Variants in MAMLD1 observed in about 807,000 individuals in gnomAD.
The protein encoded by MAMLD1 is mastermind like domain containing 1, also known as mastermind-like domain-containing protein 1.
A neutral mutation model predicts 45.0 loss-of-function variants in MAMLD1; 14 were observed. That is an observed-to-expected ratio of 0.31 (90% CI 0.21 to 0.49). The LOEUF (loss-of-function observed/expected upper bound fraction) is 0.49, where lower values mean the gene tolerates loss of function less well. MAMLD1 is among the 20% of genes least tolerant of loss of function. The pLI is 0.99. For synonymous variants in MAMLD1, 254 were observed against 247.8 expected, an observed-to-expected ratio of 1.02 and a Z score of -0.24; for missense variants, 543 against 603.6, an observed-to-expected ratio of 0.90 and a Z score of 1.05.
chrX:150,439,072 G>A (rs1557404388), intron 1 of MAMLD1, among the ~76,000 whole-genome samples: 2 of 111,750 alleles, frequency 1.8e-5, no homozygotes, highest in Non-Finnish European at 3.8e-5. Flanking sequence ...CTGTGGTTTC[G>A]GTTGTCATTT....
At chrX:150,509,443 A>G (rs1295608810) in intron 6 of MAMLD1, 4 of 122,528 alleles carry the variant, frequency 3.3e-5, no homozygotes, top group Non-Finnish European at 6.7e-5. Flanking sequence ...TTGAAGTCCA[A>G]TCCCCACTCT....
chrX:150,364,327 T>C (rs1453942458), intron 1 of MAMLD1, among the ~76,000 whole-genome samples: 1 of 113,074 alleles, frequency 8.8e-6, no homozygotes, highest in Non-Finnish European at 1.9e-5. Context: ...GTCCGAAGCC[T>C]CCTGGAAAGC....
chrX:150,446,174 G>A (rs1395169830), intron 2 of MAMLD1, among the ~76,000 whole-genome samples: 1 of 111,956 alleles, frequency 8.9e-6, no homozygotes, highest in Non-Finnish European at 1.9e-5. Context: ...GATGATGATA[G>A]AAGGGACTAT....
intron 1 of MAMLD1, among the ~76,000 whole-genome samples, chrX:150,379,123 A>G (rs1557401534): frequency 9.0e-6 from 1 of 111,627 alleles, no homozygotes. Flanking sequence ...CTATCTATCT[A>G]TCTACCTGCC....
intron 2 of MAMLD1, among the ~76,000 whole-genome samples, chrX:150,455,939 A>G (rs933466289): frequency 4.5e-5 from 5 of 110,648 alleles, no homozygotes; most frequent in Non-Finnish European, 9.5e-5. Context: ...ACCCTAACGT[A>G]TATCATAGAA....
At chrX:150,469,705 C>T in intron 3 of MAMLD1, 40 bp from the exon 4 acceptor site, 5 of 1,061,234 alleles carry the variant, frequency 4.7e-6, no homozygotes, top group Non-Finnish European at 6.5e-6. Flanking sequence ...TTCCCTTCTC[C>T]TCTCCTCTCT....
intron 5 of MAMLD1, among the ~76,000 whole-genome samples, chrX:150,492,339 C>T (rs1312217427): frequency 1.8e-5 from 2 of 112,800 alleles, no homozygotes; most frequent in Admixed American, 9.3e-5. Flanking sequence ...CAGAAATACA[C>T]GGTACCCTTT....
At chrX:150,497,260 T>A (rs1241584225) in intron 5 of MAMLD1, among the ~76,000 whole-genome samples, 1 of 108,319 alleles carries the variant, frequency 9.2e-6, no homozygotes, top group African/African-American at 3.3e-5. Flanking sequence ...ATTTCTTTTT[T>A]AAAAAATTTT....
At chrX:150,474,738 T>A (rs1466839282) in intron 5 of MAMLD1, among the ~76,000 whole-genome samples, 5 of 111,863 alleles carry the variant, frequency 4.5e-5, no homozygotes. Context: ...CTTTGCAGAC[T>A]GGGGATCTCA....
chrX:150,396,419 C>G (rs1423582018), intron 1 of MAMLD1, among the ~76,000 whole-genome samples: 1 of 111,003 alleles, frequency 9.0e-6, no homozygotes, highest in Non-Finnish European at 1.9e-5. Context: ...TTTTCAACTT[C>G]TCCTGAGATT....
At chrX:150,496,580 C>T (rs924667610) in intron 5 of MAMLD1, among the ~76,000 whole-genome samples, 6 of 112,107 alleles carry the variant, frequency 5.4e-5, no homozygotes, top group Admixed American at 1.9e-4. Context: ...TAGAAACCTT[C>T]CAGAAACTGT....
At chrX:150,402,618 C>T (rs1295968418) in intron 1 of MAMLD1, among the ~76,000 whole-genome samples, 2 of 111,876 alleles carry the variant, frequency 1.8e-5, no homozygotes, top group Non-Finnish European at 3.8e-5. Flanking sequence ...AAGACACATG[C>T]ACACATATGT....
rs1569564624 is a variant in MAMLD1, at chrX:150,398,334, AGAAGAAGAG to A, written c.-64+34810_-64+34818del. Reference sequence around the variant, plus strand: ...AAGAAGAAGAAGAAGAAGAAGAAGAAGAAGAAGAGGAAGAGGAAGAGGAAGAGGAAGAGG... The same window carrying A: ...AAGAAGAAGAAGAAGAAGAAGAAGAAGAAGAGGAAGAGGAAGAGGAAGAGG... On this transcript the variant is annotated intron_variant, in intron 1 of 7. Transcript: ENST00000370401. Among the ~76,000 whole-genome samples the A allele has an allele frequency of 4.3e-3, 321 of 73,899 alleles. 2 individuals are homozygous for A. The highest frequency in any genetic ancestry group is 9.2e-3 in the East Asian group (24 of 2,597). The allele number at this position is 73,899 out of a possible 115,157, so 64.2% of individuals were successfully genotyped here. A position where few individuals can be genotyped will look rare whatever the true frequency, so the allele number is the denominator to read the frequency against.
intron 5 of MAMLD1, among the ~76,000 whole-genome samples, chrX:150,497,415 C>T (rs1378184332): frequency 2.8e-5 from 3 of 107,845 alleles, no homozygotes; most frequent in African/African-American, 1.0e-4. Context: ...TCCCAAGTAG[C>T]TGGGACTACA....
intron 1 of MAMLD1, among the ~76,000 whole-genome samples, chrX:150,370,485 G>C (rs782049856): frequency 2.7e-5 from 3 of 111,958 alleles, no homozygotes; most frequent in Non-Finnish European, 3.8e-5. Flanking sequence ...GGAGCTGTCA[G>C]GACAGTTAGT....
At chrX:150,492,274 G>A in intron 5 of MAMLD1, among the ~76,000 whole-genome samples, 1 of 112,943 alleles carries the variant, frequency 8.9e-6, no homozygotes, top group South Asian at 3.6e-4. Flanking sequence ...GCACAGCCCT[G>A]GAGGCTAAAG....
chrX:150,451,687 TC>T (rs1277444513), intron 2 of MAMLD1, among the ~76,000 whole-genome samples: 2 of 110,736 alleles, frequency 1.8e-5, no homozygotes, highest in African/African-American at 6.6e-5. Context: ...GCTTTTCCTT[TC>T]CCTCCCCTTC....
Position 150,512,959 on chromosome X carries a change from A to G in MAMLD1, c.*1000A>G. On this transcript the variant is annotated 3_prime_UTR_variant, in exon 8 of 8. Coordinates refer to ENST00000370401, the MANE Select transcript of MAMLD1 (RefSeq NM_005491.5). Reference sequence around the variant, plus strand: ...AAGGCTCCTGTGTGAGCCCAGATGAAGACTGGGTGTGCAACTTGAGGCTGA... The same window carrying G: ...AAGGCTCCTGTGTGAGCCCAGATGAGGACTGGGTGTGCAACTTGAGGCTGA... 1 of 1,155,898 alleles carries G rather than the reference A, an allele frequency of 8.7e-7. No individual in the cohort carries two copies. The highest frequency in any genetic ancestry group is 1.9e-5 in the South Asian group (1 of 52,750).
chrX:150,490,149 G>A (rs1214454270), intron 5 of MAMLD1, among the ~76,000 whole-genome samples: 1 of 112,006 alleles, frequency 8.9e-6, no homozygotes, highest in Non-Finnish European at 1.9e-5. Flanking sequence ...CATGGCAGGA[G>A]ATGTCAGCAG....
Sources: gnomAD v4.1 joint callset for allele counts (sites outside exome capture counted in the v4.1 genomes callset) on GRCh38, gnomAD v4.1.1 for gene constraint, MANE v1.5 for transcripts, NCBI Gene and HGNC (gene_info 2026-07-23, HGNC 2026-07-21) for gene names.